PARD3: variants seen among roughly 807,000 people sequenced by gnomAD.
PARD3 encodes partitioning defective 3 homolog.
Under a neutral mutation model 155.4 loss-of-function variants are expected in PARD3, and 75 were observed. The ratio of observed to expected loss-of-function variants is 0.48; its 90% CI spans 0.40 to 0.58. The LOEUF is 0.58. PARD3 is among the 20% of genes least tolerant of loss of function. PARD3 has a pLI of 0.00. For synonymous variants in PARD3, 576 were observed against 610.5 expected (o/e 0.94, Z 0.83); for missense variants, 1,642 against 1,721.7 (o/e 0.95, Z 0.82).
intron 22 of PARD3, among the ~76,000 whole-genome samples, chr10:34,143,875 A>C (rs965749412): frequency 2.6e-5 from 4 of 152,166 alleles, no homozygotes; most frequent in African/African-American, 9.7e-5. Context: ...AAGATCATTA[A>C]AATATTCTTC....
At chr10:34,591,678 A>G (rs561915647) in intron 2 of PARD3, among the ~76,000 whole-genome samples, 20 of 152,326 alleles carry the variant, frequency 1.3e-4, no homozygotes, top group African/African-American at 4.8e-4. Context: ...CAGTGGGGAA[A>G]CAGAATGCAA....
rs1461018288 is a variant in PARD3 at position 34,377,893 on chromosome 10, T to C, written c.1539+74A>G. 1.3e-5 allele frequency: 15 copies of C among 1,189,938 alleles called. No homozygotes were observed. In the South Asian group the frequency reaches 2.7e-4, roughly 22 times the overall value. The allele number at this position is 1,189,938 out of a possible 1,614,324, so 73.7% of individuals were successfully genotyped here. On this transcript the variant is annotated intron_variant, in intron 10 of 24. Transcript: ENST00000374788. Reference sequence around the variant, plus strand: ...AACTGAATTTCATATTTTATGAAAATGTTTTTAAAAGTTGGCTCCTGGAAA... The same window carrying C: ...AACTGAATTTCATATTTTATGAAAACGTTTTTAAAAGTTGGCTCCTGGAAA...
intron 22 of PARD3, among the ~76,000 whole-genome samples, chr10:34,141,272 T>C (rs545354573): frequency 2.0e-5 from 3 of 152,348 alleles, no homozygotes; most frequent in African/African-American, 7.2e-5. Context: ...TTACTCATCA[T>C]CTGTAATATA....
Position 34,382,667 on chromosome 10 carries a change from G to A in PARD3, c.1272C>T (p.Ser424=), listed in dbSNP as rs749199780. ...ATGGTGGTTTTCCCGAGGGGTGTGCGCTATGAGGTAGTCTTGAGTGAGAGT... is the reference window on the plus strand; with the variant it reads ...ATGGTGGTTTTCCCGAGGGGTGTGCACTATGAGGTAGTCTTGAGTGAGAGT... The part of the protein sequence containing the change: ...QIDSHSRLPH[S]AHPSGKPPSA... Residue 424 remains serine, a synonymous_variant, in exon 9 of 25, where the codon AGC becomes AGT. Transcript: ENST00000374788. The A allele has an allele frequency of 1.5e-5, 24 of 1,614,022 alleles. No individual in the cohort carries two copies. In the East Asian group the frequency reaches 3.3e-4, roughly 22 times the overall value.
At chr10:34,683,058 T>C (rs963051019) in intron 2 of PARD3, among the ~76,000 whole-genome samples, 1 of 152,150 alleles carries the variant, frequency 6.6e-6, no homozygotes, top group African/African-American at 2.4e-5. Flanking sequence ...AATCTTAAAC[T>C]TAACCTCATA....
intron 22 of PARD3, among the ~76,000 whole-genome samples, chr10:34,151,159 C>T (rs1948761264): frequency 7.3e-6 from 1 of 137,750 alleles, no homozygotes; most frequent in Admixed American, 7.2e-5. Context: ...CAAACAAAAA[C>T]TTTGTAAGCT....
chr10:34,776,826 GT>G (rs202074847), intron 1 of PARD3, among the ~76,000 whole-genome samples: 3 of 45,806 alleles, frequency 6.5e-5, no homozygotes, highest in Non-Finnish European at 1.2e-4. Context: ...TTTCAGTCGT[GT>G]TTTTTTGTGG....
intron 2 of PARD3, among the ~76,000 whole-genome samples, chr10:34,653,007 G>C (rs1490935083): frequency 6.6e-6 from 1 of 151,814 alleles, no homozygotes; most frequent in South Asian, 2.1e-4. Flanking sequence ...GAAGGGAGGG[G>C]GCACAGACTC....
At chr10:34,520,070 G>C (rs1291801883) in intron 2 of PARD3, among the ~76,000 whole-genome samples, 1 of 151,978 alleles carries the variant, frequency 6.6e-6, no homozygotes, top group African/African-American at 2.4e-5. Flanking sequence ...GCCAACACTT[G>C]TCTCAGGTCA....
At chr10:34,804,237 A>G (rs1843113846) in intron 1 of PARD3, among the ~76,000 whole-genome samples, 1 of 152,082 alleles carries the variant, frequency 6.6e-6, no homozygotes, top group Non-Finnish European at 1.5e-5. Context: ...GGGTTTTGTC[A>G]TGTTGGCCAT....
intron 1 of PARD3, among the ~76,000 whole-genome samples, chr10:34,778,225 T>A (rs1839829948): frequency 6.6e-6 from 1 of 152,180 alleles, no homozygotes; most frequent in Non-Finnish European, 1.5e-5. Flanking sequence ...GGCAAGACAT[T>A]TAAGCTTGTG....
intron 1 of PARD3, among the ~76,000 whole-genome samples, chr10:34,798,587 C>T (rs11594839): frequency 0.34 from 51,926 of 151,082 alleles, 11,133 homozygotes; most frequent in Non-Finnish European, 0.48. Context: ...TGCCTGTAAC[C>T]CGAGCCGCTC....
intron 22 of PARD3, among the ~76,000 whole-genome samples, chr10:34,205,475 C>G (rs927501810): frequency 3.3e-5 from 5 of 152,136 alleles, no homozygotes; most frequent in African/African-American, 1.2e-4. Flanking sequence ...AAGAAAAACA[C>G]TCCTCTGTTC....
intron 22 of PARD3, among the ~76,000 whole-genome samples, chr10:34,189,480 C>T (rs928727662): frequency 3.9e-5 from 6 of 152,226 alleles, no homozygotes; most frequent in South Asian, 4.1e-4. Flanking sequence ...TGTCACCAAA[C>T]GATACTAGTG....
chr10:34,705,459 G>T (rs1324848570), intron 1 of PARD3, among the ~76,000 whole-genome samples: 4 of 149,806 alleles, frequency 2.7e-5, no homozygotes, highest in African/African-American at 1.0e-4. Context: ...CTGCACTCCA[G>T]CCTGGGCAAC....
At chr10:34,288,628 A>G (rs563652865) in intron 20 of PARD3, among the ~76,000 whole-genome samples, 1 of 152,328 alleles carries the variant, frequency 6.6e-6, no homozygotes, top group Admixed American at 6.5e-5. Context: ...TTGGCAATCA[A>G]CCTATGAAGA....
intron 7 of PARD3, among the ~76,000 whole-genome samples, chr10:34,386,172 T>C (rs1282065955): frequency 6.6e-6 from 1 of 152,190 alleles, no homozygotes; most frequent in Non-Finnish European, 1.5e-5. Flanking sequence ...CCTATCAGCT[T>C]GCAAGAATTG....
At chr10:34,358,999 C>T in intron 14 of PARD3, 148 bp downstream of exon 14, 3 of 575,824 alleles carry the variant, frequency 5.2e-6, no homozygotes, top group Non-Finnish European at 9.0e-6. Flanking sequence ...CCACAATCCA[C>T]CTACAAAATA....
At chr10:34,541,717 T>C (rs943233193) in intron 2 of PARD3, among the ~76,000 whole-genome samples, 15 of 152,196 alleles carry the variant, frequency 9.9e-5, no homozygotes, top group African/African-American at 3.6e-4. Context: ...CAACATTTAT[T>C]TAACAACTTT....
Sources: allele counts gnomAD v4.1 joint callset (sites outside exome capture counted in the v4.1 genomes callset), GRCh38; gene constraint gnomAD v4.1.1; transcripts MANE v1.5; gene names NCBI Gene and HGNC (gene_info 2026-07-23, HGNC 2026-07-21).